KDM4C: variants seen among roughly 807,000 people sequenced by gnomAD.
The protein encoded by KDM4C is lysine-specific demethylase 4C.
A neutral mutation model predicts 129.3 loss-of-function variants in KDM4C; 81 were observed. That is an observed-to-expected ratio of 0.63 (90% CI 0.52 to 0.75). KDM4C has a LOEUF of 0.75. Among genes scored for constraint, KDM4C ranks in the 30% least tolerant of loss-of-function variants. The probability of loss-of-function intolerance (pLI) is 0.00; values close to 1 mark genes in which losing one functional copy is unlikely to be tolerated. For synonymous variants in KDM4C, 573 were observed against 456.1 expected (o/e 1.26, Z -3.26); for missense variants, 1,457 against 1,304.0 (o/e 1.12, Z -1.81).
intron 8 of KDM4C, among the ~76,000 whole-genome samples, chr9:6,914,359 A>G (rs998516268): frequency 1.3e-5 from 2 of 152,210 alleles, no homozygotes; most frequent in Non-Finnish European, 2.9e-5. Flanking sequence ...GGCATGAGCC[A>G]CTGTGCCTGG....
chr9:7,128,068 G>A lies in KDM4C; in HGVS notation c.2613G>A (p.Lys871=). Residue 871 remains lysine (K), a splice_region_variant and synonymous_variant, in exon 19 of 22, where the codon AAG becomes AAA. Coordinates refer to ENST00000381309, the MANE Select transcript of KDM4C (RefSeq NM_015061.6). ...CFRHKVNPNV[K]SKACEKVISV... ...CTTTTTTGTGTCCCTTCTTTTAGAA[G>A]TCCAAGGCTTGCGAGAAGGTCATTT... 6.4e-7 allele frequency: 1 copy of A among 1,551,782 alleles called. No homozygotes were observed. The highest frequency in any genetic ancestry group is 8.7e-7 in the Non-Finnish European group (1 of 1,148,696).
At position 6,858,549 on chromosome 9, in the gene KDM4C, G is replaced by A. The variant is rs528066312; in HGVS notation, c.629+8849G>A. Among the ~76,000 whole-genome samples, 18 of 152,202 alleles carry A rather than the reference G, an allele frequency of 1.2e-4. 1 individual carries two copies. In the South Asian group the frequency reaches 1.2e-3, roughly 11 times the overall value. ...GCATGGTTGGGAGGCCTAGGTGGGC[G>A]GATCATTTGAGACCAGGAGTTCAAG... On this transcript the variant is annotated intron_variant, in intron 5 of 21. Coordinates refer to ENST00000381309, the MANE Select transcript of KDM4C (RefSeq NM_015061.6).
chr9:7,047,777 A>G (rs961825762), intron 16 of KDM4C, among the ~76,000 whole-genome samples: 52 of 152,130 alleles, frequency 3.4e-4, no homozygotes, highest in Non-Finnish European at 6.2e-4. Context: ...TATCCCTATA[A>G]GGCAGTAATA....
intron 1 of KDM4C, among the ~76,000 whole-genome samples, chr9:6,760,289 C>A (rs1288009162): frequency 1.3e-5 from 2 of 152,008 alleles, no homozygotes; most frequent in African/African-American, 4.8e-5. Flanking sequence ...ATCAGTACTT[C>A]ATTCCTTTTA....
At chr9:6,955,419 A>G (rs1010313933) in intron 8 of KDM4C, among the ~76,000 whole-genome samples, 3 of 152,218 alleles carry the variant, frequency 2.0e-5, no homozygotes, top group Admixed American at 6.5e-5. Context: ...CATGCAGTGC[A>G]GTGGACCATG....
At chr9:6,916,222 A>G (rs758191033) in intron 8 of KDM4C, among the ~76,000 whole-genome samples, 116 of 122,732 alleles carry the variant, frequency 9.5e-4, no homozygotes, top group Non-Finnish European at 2.0e-3. Context: ...GTGTCTTGAA[A>G]GTTTTACAGA....
At chr9:6,747,531 G>C (rs910092923) in intron 1 of KDM4C, among the ~76,000 whole-genome samples, 4 of 132,364 alleles carry the variant, frequency 3.0e-5, no homozygotes, top group East Asian at 2.2e-4. Context: ...CTGGATGACA[G>C]GGCGATTCAA....
intron 8 of KDM4C, among the ~76,000 whole-genome samples, chr9:6,937,428 G>T (rs979270322): frequency 9.9e-5 from 15 of 152,068 alleles, no homozygotes; most frequent in African/African-American, 3.6e-4. Flanking sequence ...GTTACTTGTT[G>T]CAGTTAGGTT....
intron 21 of KDM4C, among the ~76,000 whole-genome samples, chr9:7,172,665 G>A (rs746340508): frequency 6.6e-6 from 1 of 152,232 alleles, no homozygotes; most frequent in African/African-American, 2.4e-5. Flanking sequence ...GTTACCCTGA[G>A]TAACTGTCCC....
intron 18 of KDM4C, among the ~76,000 whole-genome samples, chr9:7,119,147 C>T (rs1480299395): frequency 6.6e-6 from 1 of 152,078 alleles, no homozygotes; most frequent in Non-Finnish European, 1.5e-5. Flanking sequence ...GCTTCCATAA[C>T]TTAACCCTTT....
In KDM4C at chr9:6,846,432, A is replaced by G. The variant is rs138235922; in HGVS notation, c.436-3075A>G. ...AACTAGGTGCATTTTTGGTCTAAGTATATGAGACAGACCTGGTACTGTTCA... is the reference window on the plus strand; with the variant it reads ...AACTAGGTGCATTTTTGGTCTAAGTGTATGAGACAGACCTGGTACTGTTCA... On this transcript the variant is annotated intron_variant, in intron 4 of 21. Coordinates refer to ENST00000381309, the MANE Select transcript of KDM4C (RefSeq NM_015061.6). Among the ~76,000 whole-genome samples, 1,191 of 152,340 alleles carry G rather than the reference A, an allele frequency of 7.8e-3. 13 individuals carry two copies. The highest frequency in any genetic ancestry group is 9.5e-3 in the Non-Finnish European group (646 of 68,030).
At chr9:6,808,220 A>G (rs1288071412) in intron 3 of KDM4C, among the ~76,000 whole-genome samples, 2 of 73,482 alleles carry the variant, frequency 2.7e-5, no homozygotes, top group Non-Finnish European at 5.0e-5. Flanking sequence ...AGAACGGGCC[A>G]GGATGACAAT....
chr9:6,885,666 C>G (rs994235195), intron 6 of KDM4C, among the ~76,000 whole-genome samples: 17 of 150,068 alleles, frequency 1.1e-4, no homozygotes, highest in African/African-American at 3.9e-4. Flanking sequence ...AAGGAATTGA[C>G]TGTGTTTTAT....
In KDM4C at chr9:6,814,618, C is replaced by T; in HGVS notation, c.321-13C>T. ...TTACTGGTTTGTACATTTTTGTCATCTACCTTTTACAGATATTGTACTCCA... is the reference window on the plus strand; with the variant it reads ...TTACTGGTTTGTACATTTTTGTCATTTACCTTTTACAGATATTGTACTCCA... On this transcript the variant is annotated splice_polypyrimidine_tract_variant and intron_variant, in intron 3 of 21. Coordinates refer to ENST00000381309, the MANE Select transcript of KDM4C (RefSeq NM_015061.6). 2 of 1,514,430 alleles carry T rather than the reference C, an allele frequency of 1.3e-6. No individual in the cohort carries two copies. Among genetic ancestry groups the T allele is most frequent in the Non-Finnish European group, 9.0e-7 (1 of 1,105,132 alleles). 93.8% of individuals were successfully genotyped at this position (1,514,430 alleles called of 1,614,324 possible).
intron 8 of KDM4C, among the ~76,000 whole-genome samples, chr9:6,964,461 G>A (rs1264572438): frequency 6.6e-6 from 1 of 152,104 alleles, no homozygotes; most frequent in Non-Finnish European, 1.5e-5. Context: ...TAGTGTATAT[G>A]TGCCACATTT....
At position 6,926,755 on chromosome 9, in the gene KDM4C, G is replaced by C. The variant is rs150435772; in HGVS notation, c.921+33523G>C. Among the ~76,000 whole-genome samples the C allele has an allele frequency of 1.8e-3, 269 of 152,308 alleles. 8 individuals are homozygous for C. In the East Asian group the frequency reaches 0.046, roughly 26 times the overall value. Reference sequence around the variant, plus strand: ...ATTGGGGTGTGTTTAGTAGTTTACAGATTGTTAAAAGAAACTCTTGATGTT... The same window carrying C: ...ATTGGGGTGTGTTTAGTAGTTTACACATTGTTAAAAGAAACTCTTGATGTT... On this transcript the variant is annotated intron_variant, in intron 8 of 21. Coordinates refer to ENST00000381309, the MANE Select transcript of KDM4C (RefSeq NM_015061.6).
At chr9:7,055,307 C>T (rs1444597072) in intron 17 of KDM4C, among the ~76,000 whole-genome samples, 1 of 152,150 alleles carries the variant, frequency 6.6e-6, no homozygotes, top group Non-Finnish European at 1.5e-5. Context: ...CATTTGAAAT[C>T]CTATTTCTGC....
intron 4 of KDM4C, among the ~76,000 whole-genome samples, chr9:6,844,849 G>A (rs367849098): frequency 5.3e-5 from 8 of 151,944 alleles, no homozygotes; most frequent in East Asian, 3.9e-4. Context: ...CACCACACCC[G>A]GCTAATTTTT....
Position 6,852,879 on chromosome 9 carries a change from C to A in KDM4C, c.629+3179C>A, listed in dbSNP as rs370535856. On this transcript the variant is annotated intron_variant, in intron 5 of 21. Transcript: ENST00000381309. Reference sequence around the variant, plus strand: ...GCTTAAAGACTCTCTGGACTATGTGCTGCCCCTACTTTAGACATTGTTTTG... The same window carrying A: ...GCTTAAAGACTCTCTGGACTATGTGATGCCCCTACTTTAGACATTGTTTTG... Among the ~76,000 whole-genome samples, 44 of 152,266 alleles carry A rather than the reference C, an allele frequency of 2.9e-4. No homozygotes were observed. In the East Asian group the frequency reaches 7.7e-3, roughly 27 times the overall value.
Sources: allele counts gnomAD v4.1 joint callset (sites outside exome capture counted in the v4.1 genomes callset), GRCh38; gene constraint gnomAD v4.1.1; transcripts MANE v1.5; gene names NCBI Gene and HGNC (gene_info 2026-07-23, HGNC 2026-07-21).